The following ZFP37 variants were observed in gnomAD, a reference collection of about 807,000 sequenced individuals.
ZFP37 encodes ZFP37 zinc finger protein, also known as zinc finger protein 37 homolog.
A neutral mutation model predicts 52.1 loss-of-function variants in ZFP37; 38 were observed. The ratio of observed to expected loss-of-function variants is 0.73; its 90% CI spans 0.56 to 0.96. The LOEUF (loss-of-function observed/expected upper bound fraction) is 0.96. Among genes scored for constraint, ZFP37 ranks in the 40% least tolerant of loss-of-function variants. ZFP37 has a pLI of 0.00. For missense variants in ZFP37, 695 were observed against 741.4 expected, an observed-to-expected ratio of 0.94 and a Z score of 0.73; for synonymous variants, 253 against 259.5, an observed-to-expected ratio of 0.98 and a Z score of 0.24.
intron 3 of ZFP37, 92 bp downstream of exon 3, chr9:113,049,270 G>A: frequency 1.5e-6 from 2 of 1,367,078 alleles, no homozygotes; most frequent in Non-Finnish European, 2.0e-6. Context: ...TTTTTCTATT[G>A]CTATTTTCTA....
chr9:113,043,716 A>G lies in ZFP37; in HGVS notation c.902T>C (p.Val301Ala), dbSNP rs979981922. The change falls in exon 4 of 4, where the codon GTT becomes GCT. Residue 301 changes from valine to alanine, a missense_variant. By Grantham distance (64) the Val-to-Ala change is moderately conservative (BLOSUM62 0). Around this residue, in one of 2 missense-constraint regions of ZFP37, gnomAD observed 326 missense variants for 400.5 expected, o/e 0.81. Coordinates refer to ENST00000374227, the MANE Select transcript of ZFP37 (RefSeq NM_003408.3). ...KPYECNQCGK[V>A]LSHKQGLIDH... ...AATGAGTCCTTGTTTATGGCTGAGA[A>G]CCTTTCCACATTGATTACATTCATA... 8.1e-6 allele frequency: 13 copies of G among 1,613,830 alleles called. No individual in the cohort carries two copies. Among genetic ancestry groups the G allele is most frequent in the Non-Finnish European group, 1.1e-5 (13 of 1,179,952 alleles).
chr9:113,049,432 C>A lies in ZFP37; in HGVS notation c.279G>T (p.Gly93=), dbSNP rs1283935570. ...KLEKGEAPWL[G]KGKRPSQGCP... ...AACCTTGACTGGGTCTTTTCCCCTT[C>A]CCCAACCATGGTGCTTCTCCTTTTT... The change falls in exon 3 of 4, where the codon GGG becomes GGT. Residue 93 remains glycine, a synonymous_variant. Transcript: ENST00000374227. The A allele has an allele frequency of 6.2e-7, 1 of 1,614,122 alleles. No homozygotes were observed. Among genetic ancestry groups the A allele is most frequent in the East Asian group, 2.2e-5 (1 of 44,880 alleles).
chr9:113,050,898 A>AC (rs1829046363), intron 1 of ZFP37, among the ~76,000 whole-genome samples: 1 of 152,020 alleles, frequency 6.6e-6, no homozygotes, highest in South Asian at 2.1e-4. Flanking sequence ...ATCTCAAAAA[A>AC]AAAAAAAGTT....
chr9:113,047,596 G>T (rs1012617191), intron 3 of ZFP37, among the ~76,000 whole-genome samples: 1 of 151,742 alleles, frequency 6.6e-6, no homozygotes, highest in Non-Finnish European at 1.5e-5. Context: ...TGAAAAAAAA[G>T]AGAAAAAATT....
intron 1 of ZFP37, among the ~76,000 whole-genome samples, chr9:113,054,512 T>C (rs1326650810): frequency 6.6e-6 from 1 of 152,172 alleles, no homozygotes; most frequent in Non-Finnish European, 1.5e-5. Context: ...TCCAGATTCA[T>C]ATATATAGTG....
chr9:113,053,746 C>T (rs1829096648), intron 1 of ZFP37, among the ~76,000 whole-genome samples: 1 of 152,274 alleles, frequency 6.6e-6, no homozygotes, highest in East Asian at 1.9e-4. Flanking sequence ...AACTCATATA[C>T]AATATACCTT....
Position 113,042,601 on chromosome 9 carries a change from A to C in ZFP37, c.*124T>G. 2.6e-6 allele frequency: 2 copies of C among 754,750 alleles called. No individual in the cohort carries two copies. The highest frequency in any genetic ancestry group is 4.0e-6 in the Non-Finnish European group (2 of 501,974). The allele number at this position is 754,750 out of a possible 1,614,324, so 46.8% of individuals were successfully genotyped here. On this transcript the variant is annotated 3_prime_UTR_variant, in exon 4 of 4. Coordinates refer to ENST00000374227, the MANE Select transcript of ZFP37 (RefSeq NM_003408.3). ...TGATTCTATATGAAGATCCATTTTCAAAGTTTCTCATGTACAACAAGGTGT... is the reference window on the plus strand; with the variant it reads ...TGATTCTATATGAAGATCCATTTTCCAAGTTTCTCATGTACAACAAGGTGT...
At chr9:113,054,561 T>C (rs1829109563) in intron 1 of ZFP37, among the ~76,000 whole-genome samples, 1 of 152,220 alleles carries the variant, frequency 6.6e-6, no homozygotes, top group Non-Finnish European at 1.5e-5. Flanking sequence ...AATGAGCATT[T>C]TGACACGGCC....
chr9:113,053,271 C>G (rs1422277073), intron 1 of ZFP37, among the ~76,000 whole-genome samples: 1 of 152,166 alleles, frequency 6.6e-6, no homozygotes, highest in Non-Finnish European at 1.5e-5. Flanking sequence ...TTTACCTAGC[C>G]TTTCTTTCTT....
Position 113,056,712 on chromosome 9 carries a change from T to G in ZFP37, c.-24A>C. The G allele has an allele frequency of 6.2e-7, 1 of 1,605,884 alleles. No individual in the cohort carries two copies. The highest frequency in any genetic ancestry group is 8.5e-7 in the Non-Finnish European group (1 of 1,176,414). On this transcript the variant is annotated 5_prime_UTR_variant, in exon 1 of 4. Coordinates refer to ENST00000374227, the MANE Select transcript of ZFP37 (RefSeq NM_003408.3). ...ATGGCGGCTACCCGGAGGGCGGCCTTAGCGGGTCCGGCAGCCGCGATGGCG... is the reference window on the plus strand; with the variant it reads ...ATGGCGGCTACCCGGAGGGCGGCCTGAGCGGGTCCGGCAGCCGCGATGGCG...
chr9:113,050,468 C>CAAAAA (rs34498194), intron 1 of ZFP37, among the ~76,000 whole-genome samples: 1 of 121,636 alleles, frequency 8.2e-6, no homozygotes, highest in Non-Finnish European at 1.8e-5. Context: ...GACAAATAGC[C>CAAAAA]AAAAAAAAAA....
At chr9:113,053,068 A>C (rs953276431) in intron 1 of ZFP37, among the ~76,000 whole-genome samples, 4 of 152,084 alleles carry the variant, frequency 2.6e-5, no homozygotes, top group African/African-American at 9.7e-5. Context: ...CTTCCACTCA[A>C]ATTCAGCCAC....
chr9:113,047,279 G>A (rs1450075789), intron 3 of ZFP37, among the ~76,000 whole-genome samples: 2 of 152,196 alleles, frequency 1.3e-5, no homozygotes, highest in Non-Finnish European at 2.9e-5. Flanking sequence ...ACTCCATTGA[G>A]TCTCTTCATT....
At chr9:113,049,940 A>G in intron 1 of ZFP37, 68 bp from the exon 2 acceptor site, 5 of 1,606,170 alleles carry the variant, frequency 3.1e-6, no homozygotes, top group Non-Finnish European at 4.2e-6. Context: ...ATTCCTGTTC[A>G]TGCTAATGTT....
chr9:113,050,816 G>C (rs1829044498), intron 1 of ZFP37, among the ~76,000 whole-genome samples: 1 of 151,804 alleles, frequency 6.6e-6, no homozygotes, highest in African/African-American at 2.4e-5. Flanking sequence ...AGAACTGCTT[G>C]AACCCAGGAG....
At position 113,049,786 on chromosome 9, in the gene ZFP37, C is replaced by G. The variant is rs1283743148; in HGVS notation, c.214+5G>C. 1 of 1,613,278 alleles carries G rather than the reference C, an allele frequency of 6.2e-7. No homozygotes were observed. Among genetic ancestry groups the G allele is most frequent in the East Asian group, 2.2e-5 (1 of 44,876 alleles). On this transcript the variant is annotated splice_donor_5th_base_variant and intron_variant, in intron 2 of 3. Coordinates refer to ENST00000374227, the MANE Select transcript of ZFP37 (RefSeq NM_003408.3). Reference sequence around the variant, plus strand: ...CATTTTGAATTACAAAGGAATTGTTCTTACCCATTGAGGCTTGGTTGCAGT... The same window carrying G: ...CATTTTGAATTACAAAGGAATTGTTGTTACCCATTGAGGCTTGGTTGCAGT...
In ZFP37 at chr9:113,039,512, C is replaced by A. The variant is rs137969879; in HGVS notation, c.*3213G>T. On this transcript the variant is annotated 3_prime_UTR_variant, in exon 4 of 4. Transcript: ENST00000374227. ...TGTCACCATCTAAGTAAGCTTACTGCCTGCTTCCCATCACTATATTTAAAA... is the reference window on the plus strand; with the variant it reads ...TGTCACCATCTAAGTAAGCTTACTGACTGCTTCCCATCACTATATTTAAAA... The A allele has an allele frequency of 6.6e-6, 1 of 152,034 alleles. No homozygotes were observed. The highest frequency in any genetic ancestry group is 2.4e-5 in the African/African-American group (1 of 41,380). 9.4% of individuals were successfully genotyped at this position (152,034 alleles called of 1,614,324 possible). A position where few individuals can be genotyped will look rare whatever the true frequency, so the allele number is the denominator to read the frequency against.
chr9:113,055,671 G>T (rs1260845611), intron 1 of ZFP37, among the ~76,000 whole-genome samples: 1 of 151,954 alleles, frequency 6.6e-6, no homozygotes, highest in Non-Finnish European at 1.5e-5. Flanking sequence ...TCCCAATTAT[G>T]GATCTCTGCA....
At position 113,043,960 on chromosome 9, in the gene ZFP37, T is replaced by C. The variant is rs188308157; in HGVS notation, c.658A>G (p.Arg220Gly). ...TTTCCAGTTTGCTTTTTGCCTTTCC[T>C]TGTATCAGATAAGCTATGGTTGAAT... ...KSFNHSLSDTRKGKKQTGKKH... is the reference protein window; with the variant it reads ...KSFNHSLSDTGKGKKQTGKKH... Residue 220 changes from arginine (R) to glycine (G), a missense_variant, in exon 4 of 4, where the codon AGG becomes GGG. Transcript: ENST00000374227. 100 of 1,614,050 alleles carry C rather than the reference T, an allele frequency of 6.2e-5. No individual in the cohort carries two copies. In the East Asian group the frequency reaches 2.2e-3, roughly 35 times the overall value.
Sources: gnomAD v4.1 joint callset for allele counts (sites outside exome capture counted in the v4.1 genomes callset) on GRCh38, gnomAD v4.1.1 for gene constraint, gnomAD v4.1.1 regional missense constraint, MANE v1.5 for transcripts, NCBI Gene and HGNC (gene_info 2026-07-23, HGNC 2026-07-21) for gene names.